The following PCDH15 variants were observed in gnomAD, a reference collection of about 807,000 sequenced individuals.
PCDH15 encodes the protein protocadherin-15.
In PCDH15, 129 loss-of-function variants were observed where a neutral mutation model predicts 178.5. That is an observed-to-expected ratio of 0.72 (90% confidence interval 0.63 to 0.84). The LOEUF (loss-of-function observed/expected upper bound fraction) is 0.84. Among genes scored for constraint, PCDH15 ranks in the 40% least tolerant of loss-of-function variants. The probability of loss-of-function intolerance (pLI) is 0.00; values close to 1 mark genes in which losing one functional copy is unlikely to be tolerated. For synonymous variants in PCDH15, 800 were observed against 732.0 expected (o/e 1.09, Z -1.50); for missense variants, 2,230 against 2,099.9 (o/e 1.06, Z -1.21).
At chr10:55,094,386 T>G (rs573850459) in intron 2 of PCDH15, among the ~76,000 whole-genome samples, 1 of 150,972 alleles carries the variant, frequency 6.6e-6, no homozygotes, top group South Asian at 2.1e-4. Context: ...CACAGGGGCC[T>G]GTTGTGGGGT....
At chr10:54,438,559 C>T (rs2075590658) in intron 3 of PCDH15, among the ~76,000 whole-genome samples, 1 of 151,962 alleles carries the variant, frequency 6.6e-6, no homozygotes, top group Non-Finnish European at 1.5e-5. Context: ...CCCATCTTGC[C>T]ATCAAAAGCT....
intron 26 of PCDH15, among the ~76,000 whole-genome samples, chr10:53,891,473 C>T (rs1409337591): frequency 6.6e-6 from 1 of 152,150 alleles, no homozygotes; most frequent in Non-Finnish European, 1.5e-5. Context: ...CTGAGAGATA[C>T]AAAGACATTT....
intron 2 of PCDH15, among the ~76,000 whole-genome samples, chr10:54,647,972 T>C (rs1401203973): frequency 6.6e-6 from 1 of 152,142 alleles, no homozygotes; most frequent in Non-Finnish European, 1.5e-5. Context: ...TCAAACTGCC[T>C]ATATTTCCTC....
At chr10:55,410,669 A>G (rs1838309978) in intron 2 of PCDH15, among the ~76,000 whole-genome samples, 1 of 152,114 alleles carries the variant, frequency 6.6e-6, no homozygotes, top group Non-Finnish European at 1.5e-5. Flanking sequence ...GTGCCAAACA[A>G]TGGCTGGATC....
chr10:55,275,122 C>T (rs980325000), intron 1 of PCDH15, among the ~76,000 whole-genome samples: 3 of 152,024 alleles, frequency 2.0e-5, no homozygotes, highest in African/African-American at 7.3e-5. Context: ...TATTCTGACC[C>T]CTCCATAAAA....
chr10:55,050,680 T>A (rs1303940299), intron 2 of PCDH15, among the ~76,000 whole-genome samples: 2 of 152,086 alleles, frequency 1.3e-5, no homozygotes, highest in African/African-American at 4.8e-5. Flanking sequence ...TACTTCATGG[T>A]TTATTTTTCT....
chr10:54,145,727 G>A (rs565354284), intron 14 of PCDH15, among the ~76,000 whole-genome samples: 2 of 152,198 alleles, frequency 1.3e-5, no homozygotes, highest in East Asian at 1.9e-4. Context: ...AGAGAAGGGT[G>A]TAAGTAAAGC....
chr10:54,146,935 A>AGTGTATATATATAGTGTATATATATATAG (rs1564530449), intron 14 of PCDH15, among the ~76,000 whole-genome samples: 6 of 63,298 alleles, frequency 9.5e-5, no homozygotes, highest in African/African-American at 4.2e-4. Context: ...TATATATATA[A>AGTGTATATATATAGTGTATATATATATAG]TGTATATATA....
chr10:55,461,723 G>C (rs1311130541), intron 2 of PCDH15, among the ~76,000 whole-genome samples: 1 of 151,924 alleles, frequency 6.6e-6, no homozygotes, highest in Non-Finnish European at 1.5e-5. Context: ...TGATAACCGA[G>C]GTTGTTAAAT....
At chr10:54,089,427 C>T (rs927398714) in intron 16 of PCDH15, among the ~76,000 whole-genome samples, 2 of 152,162 alleles carry the variant, frequency 1.3e-5, no homozygotes, top group African/African-American at 4.8e-5. Context: ...GCCCTAAATG[C>T]CTCCTTTTAA....
intron 8 of PCDH15, among the ~76,000 whole-genome samples, chr10:54,286,050 T>C (rs1427454833): frequency 6.6e-6 from 1 of 151,910 alleles, no homozygotes; most frequent in East Asian, 1.9e-4. Context: ...AGAAGTAGAG[T>C]GAGAAGGAAA....
intron 2 of PCDH15, among the ~76,000 whole-genome samples, chr10:55,037,577 A>G (rs1840769435): frequency 2.6e-5 from 4 of 152,240 alleles, no homozygotes; most frequent in South Asian, 4.1e-4. Context: ...TATGAAAACC[A>G]TAGTAAAATG....
intron 1 of PCDH15, among the ~76,000 whole-genome samples, chr10:55,269,219 A>G (rs1201207296): frequency 6.6e-6 from 1 of 152,134 alleles, no homozygotes; most frequent in Admixed American, 6.5e-5. Flanking sequence ...TGAGAACTGG[A>G]AAACCACAAG....
intron 2 of PCDH15, among the ~76,000 whole-genome samples, chr10:54,644,658 A>G (rs1232859231): frequency 6.6e-6 from 1 of 152,156 alleles, no homozygotes; most frequent in Non-Finnish European, 1.5e-5. Flanking sequence ...GCTAGAAAAA[A>G]AGATTCAGAA....
chr10:54,790,685 C>T (rs1012022657), intron 1 of PCDH15, among the ~76,000 whole-genome samples: 2 of 151,850 alleles, frequency 1.3e-5, no homozygotes, highest in African/African-American at 4.8e-5. Context: ...ATAATAAACA[C>T]TGAACAATTA....
chr10:55,588,419 C>T (rs1435601907), intron 2 of PCDH15, among the ~76,000 whole-genome samples: 4 of 152,004 alleles, frequency 2.6e-5, no homozygotes, highest in Non-Finnish European at 5.9e-5. Flanking sequence ...CAATATGGAT[C>T]GTAGTTTGTA....
chr10:54,043,361 A>G (rs572202522), intron 18 of PCDH15, among the ~76,000 whole-genome samples: 1 of 148,428 alleles, frequency 6.7e-6, no homozygotes, highest in Non-Finnish European at 1.5e-5. Flanking sequence ...CTCAAGATGT[A>G]ATTACAACCT....
intron 2 of PCDH15, among the ~76,000 whole-genome samples, chr10:55,536,982 AT>A (rs547252793): frequency 1.3e-5 from 2 of 151,858 alleles, no homozygotes; most frequent in East Asian, 1.9e-4. Flanking sequence ...ATAAATTTAG[AT>A]TTTTTTTCTG....
At chr10:54,783,515 A>G (rs1429510214) in intron 1 of PCDH15, among the ~76,000 whole-genome samples, 1 of 152,144 alleles carries the variant, frequency 6.6e-6, no homozygotes, top group East Asian at 1.9e-4. Flanking sequence ...CATTCAGCAA[A>G]TAAATATTTG....
Sources: allele counts gnomAD v4.1 joint callset (sites outside exome capture counted in the v4.1 genomes callset), GRCh38; gene constraint gnomAD v4.1.1; transcripts MANE v1.5; gene names NCBI Gene and HGNC (gene_info 2026-07-23, HGNC 2026-07-21).